SPTBN1: variants seen among roughly 807,000 people sequenced by gnomAD.
SPTBN1 encodes spectrin beta chain, non-erythrocytic 1.
Under a neutral mutation model 266.4 loss-of-function variants are expected in SPTBN1, and 32 were observed. The observed-to-expected ratio is 0.12, with a 90% CI of 0.09 to 0.16. The LOEUF (loss-of-function observed/expected upper bound fraction) is 0.16. Ranked by LOEUF, SPTBN1 falls within the 10% of genes least tolerant of loss-of-function variation. The pLI is 1.00. For missense variants in SPTBN1, 2,296 were observed against 3,067.1 expected (o/e 0.75, Z 5.94); for synonymous variants, 1,336 against 1,162.2 (o/e 1.15, Z -3.04).
Position 54,662,293 on chromosome 2 carries a change from C to T in SPTBN1, c.6421-2160C>T, listed in dbSNP as rs60293507. ...CTTAAAGCACATGTCCATTAAAATT[C>T]ATTTTGTTCCTTTTATTTTCCTTGT... On this transcript the variant is annotated intron_variant, in intron 32 of 35. Transcript: ENST00000356805. The T allele has an allele frequency of 4.8e-3, 4,751 of 985,376 alleles. 174 individuals are homozygous for T. The African/African-American group carries it at 0.073, about 15-fold the overall frequency. 61.0% of individuals were successfully genotyped at this position (985,376 alleles called of 1,614,324 possible). A position where few individuals can be genotyped will look rare whatever the true frequency, so the allele number is the denominator to read the frequency against.
At chr2:54,567,251 C>T (rs1256998617) in intron 2 of SPTBN1, among the ~76,000 whole-genome samples, 1 of 152,112 alleles carries the variant, frequency 6.6e-6, no homozygotes, top group South Asian at 2.1e-4. Flanking sequence ...AGGAAGGATT[C>T]TAGAAGGATA....
Position 54,653,942 on chromosome 2 carries a change from C to T in SPTBN1, c.5822+89C>T, listed in dbSNP as rs1311040152. 27 of 1,544,808 alleles carry T rather than the reference C, an allele frequency of 1.7e-5. No individual in the cohort carries two copies. Among genetic ancestry groups the T allele is most frequent in the African/African-American group, 2.8e-5 (2 of 71,678 alleles). ...CAGAGAGAAGCAGGAGCCTTGAAAG[C>T]GTTCCTGCCTGAGCGCTTCAAGGCC... On this transcript the variant is annotated intron_variant, in intron 27 of 35. Coordinates refer to ENST00000356805, the MANE Select transcript of SPTBN1 (RefSeq NM_003128.3). The surrounding 1 kb of genome is among the most constrained non-coding windows in gnomAD (Gnocchi z 5.1).
chr2:54,558,204 C>T lies in SPTBN1; in HGVS notation c.148+31638C>T. ...GTCGGCGGCTGCCGGGCGGCTGGGG[C>T]GACCGCGGACCGTGCGGGACCGGTA... On this transcript the variant is annotated intron_variant, in intron 2 of 35. Transcript: ENST00000356805. This position sits in a 1 kb window ranked among gnomAD's most constrained non-coding sequence, Gnocchi z 4.6. 4 of 985,366 alleles carry T rather than the reference C, an allele frequency of 4.1e-6. No individual in the cohort carries two copies. The highest frequency in any genetic ancestry group is 4.8e-6 in the Non-Finnish European group (4 of 829,900). The allele number at this position is 985,366 out of a possible 1,614,324, so 61.0% of individuals were successfully genotyped here. A position where few individuals can be genotyped will look rare whatever the true frequency, so the allele number is the denominator to read the frequency against.
In SPTBN1 at chr2:54,484,301, A is replaced by G. The variant is rs147884754; in HGVS notation, c.-48+27783A>G. ...TCCTAGGACTTTTATATGCTTGGGA[A>G]TTGTGTTTATTTTCCTCTCATTCAC... On this transcript the variant is annotated intron_variant, in intron 1 of 35. Coordinates refer to ENST00000356805, the MANE Select transcript of SPTBN1 (RefSeq NM_003128.3). Among the ~76,000 whole-genome samples, 252 of 152,260 alleles carry G rather than the reference A, an allele frequency of 1.7e-3. 3 individuals carry two copies. The highest frequency in any genetic ancestry group is 0.01 in the Middle Eastern group (3 of 294).
At chr2:54,565,659 C>G (rs745866422) in intron 2 of SPTBN1, among the ~76,000 whole-genome samples, 18 of 152,288 alleles carry the variant, frequency 1.2e-4, no homozygotes, top group Non-Finnish European at 2.1e-4. Flanking sequence ...AAAATCCCAG[C>G]AACTTGGCAT....
At chr2:54,498,259 C>T (rs117686515) in intron 1 of SPTBN1, among the ~76,000 whole-genome samples, 7 of 152,116 alleles carry the variant, frequency 4.6e-5, no homozygotes, top group Admixed American at 1.3e-4. Flanking sequence ...CGGGAATGTT[C>T]GGTAGACTTG....
chr2:54,632,496 G>T (rs1202995538), intron 16 of SPTBN1, 70 bp from the exon 17 acceptor site: 1 of 1,460,144 alleles, frequency 6.8e-7, no homozygotes, highest in Non-Finnish European at 9.6e-7. Context: ...TATGTTGCAC[G>T]GAAATGTAGA....
At chr2:54,619,171 TCAA>T (rs1207696035) in intron 7 of SPTBN1, among the ~76,000 whole-genome samples, 1 of 152,228 alleles carries the variant, frequency 6.6e-6, no homozygotes, top group East Asian at 1.9e-4. Context: ...CAAAGGCAGA[TCAA>T]GGTCATGAGG....
At chr2:54,522,063 A>ATT (rs1025559864) in intron 1 of SPTBN1, among the ~76,000 whole-genome samples, 3 of 142,856 alleles carry the variant, frequency 2.1e-5, no homozygotes, top group Admixed American at 7.0e-5. Flanking sequence ...ACAGCTGGCT[A>ATT]TTTTTTTTTT....
At chr2:54,616,693 A>G (rs1677638625) in intron 5 of SPTBN1, among the ~76,000 whole-genome samples, 1 of 152,194 alleles carries the variant, frequency 6.6e-6, no homozygotes, top group Non-Finnish European at 1.5e-5. Flanking sequence ...ACCTTTTAAT[A>G]TTATCTGTGT....
At chr2:54,654,460 C>T (rs1680516736) in intron 27 of SPTBN1, among the ~76,000 whole-genome samples, 1 of 152,110 alleles carries the variant, frequency 6.6e-6, no homozygotes, top group South Asian at 2.1e-4. Context: ...AGCTCCAGCC[C>T]CCACTGTAAT....
At chr2:54,458,184 A>AT (rs750555130) in intron 1 of SPTBN1, among the ~76,000 whole-genome samples, 3 of 152,270 alleles carry the variant, frequency 2.0e-5, no homozygotes, top group South Asian at 4.1e-4. Flanking sequence ...CCAAGTATGC[A>AT]TTTTTTCTGT....
chr2:54,629,859 G>A (rs1434502545), intron 14 of SPTBN1, 33 bp from the exon 15 acceptor site: 1 of 1,613,658 alleles, frequency 6.2e-7, no homozygotes, highest in Non-Finnish European at 8.5e-7. Context: ...CAGTGGCCCA[G>A]GAGGTGACCA....
In SPTBN1 at chr2:54,669,007, C is replaced by T; in HGVS notation, c.*438C>T. The stretch of plus-strand genomic sequence containing the variant: ...CTGGTGGTTACCCTGACTCTTGACT[C>T]TTAGAAGTGCCCGAGATGGGGCTAA... On this transcript the variant is annotated 3_prime_UTR_variant, in exon 36 of 36. Transcript: ENST00000356805. 5.0e-6 allele frequency: 1 copy of T among 201,514 alleles called. No homozygotes were observed. Among genetic ancestry groups the T allele is most frequent in the South Asian group, 8.3e-5 (1 of 12,066 alleles). 12.5% of individuals were successfully genotyped at this position (201,514 alleles called of 1,614,324 possible). A position where few individuals can be genotyped will look rare whatever the true frequency, so the allele number is the denominator to read the frequency against.
intron 3 of SPTBN1, among the ~76,000 whole-genome samples, chr2:54,609,531 C>T (rs529585348): frequency 6.6e-6 from 1 of 152,148 alleles, no homozygotes; most frequent in Non-Finnish European, 1.5e-5. Flanking sequence ...CTGATGTTCT[C>T]TCTGTTGGGG....
Position 54,649,550 on chromosome 2 carries a change from C to T in SPTBN1, c.5203-65C>T. 1 of 1,562,666 alleles carries T rather than the reference C, an allele frequency of 6.4e-7. No homozygotes were observed. The highest frequency in any genetic ancestry group is 8.7e-7 in the Non-Finnish European group (1 of 1,151,242). On this transcript the variant is annotated intron_variant, in intron 25 of 35. Transcript: ENST00000356805. This position sits in a 1 kb window ranked among gnomAD's most constrained non-coding sequence, Gnocchi z 6.7. Reference sequence around the variant, plus strand: ...AGGCAGTTTCTTTCCAAAGGGTATTCATGTGATCAAGAAATACAGAGTTCA... The same window carrying T: ...AGGCAGTTTCTTTCCAAAGGGTATTTATGTGATCAAGAAATACAGAGTTCA...
At chr2:54,618,548 G>T (rs953270635) in intron 7 of SPTBN1, among the ~76,000 whole-genome samples, 2 of 152,210 alleles carry the variant, frequency 1.3e-5, no homozygotes, top group Non-Finnish European at 2.9e-5. Flanking sequence ...TAGTGGATGG[G>T]ATCCCCATAG....
At chr2:54,590,551 A>G (rs924899811) in intron 2 of SPTBN1, among the ~76,000 whole-genome samples, 1 of 152,268 alleles carries the variant, frequency 6.6e-6, no homozygotes, top group African/African-American at 2.4e-5. Flanking sequence ...ATAAAAGATG[A>G]GAGACCACAT....
In SPTBN1 at chr2:54,618,197, G is replaced by GGGAC. The variant is rs1558433276; in HGVS notation, c.763+5_763+8dup. On this transcript the variant is annotated splice_donor_region_variant and intron_variant, in intron 7 of 35. Coordinates refer to ENST00000356805, the MANE Select transcript of SPTBN1 (RefSeq NM_003128.3). ...ACTAAACTGTTGGACCCCGAAGGTA[G>GGGAC]GGACTCAAGGGATTACAGGTGGGAT... is the stretch of plus-strand genomic sequence containing the variant. 1.2e-6 allele frequency: 2 copies of GGGAC among 1,611,778 alleles called. No individual in the cohort carries two copies. Among genetic ancestry groups the GGGAC allele is most frequent in the Admixed American group, 3.3e-5 (2 of 59,904 alleles).
Sources: allele counts gnomAD v4.1 joint callset (sites outside exome capture counted in the v4.1 genomes callset), GRCh38; gene constraint gnomAD v4.1.1; non-coding constraint Gnocchi (gnomAD v3.1); transcripts MANE v1.5; gene names NCBI Gene and HGNC (gene_info 2026-07-23, HGNC 2026-07-21).